Variants in TYK2 observed in about 807,000 individuals in gnomAD.
TYK2 encodes tyrosine kinase 2.
A neutral mutation model predicts 130.9 loss-of-function variants in TYK2; 65 were observed. That is an observed-to-expected ratio of 0.50 (90% CI 0.41 to 0.61). TYK2 has a LOEUF of 0.61. Among genes scored for constraint, TYK2 ranks in the 20% least tolerant of loss-of-function variants. The pLI, the probability that TYK2 is intolerant of heterozygous loss-of-function variation, is 0.00. For synonymous variants in TYK2, 647 were observed against 658.9 expected, an observed-to-expected ratio of 0.98 and a Z score of 0.28; for missense variants, 1,378 against 1,610.7, an observed-to-expected ratio of 0.86 and a Z score of 2.47.
chr19:10,350,840 C>A lies in TYK2; in HGVS notation c.3558G>T (p.Val1186=). 6.2e-7 allele frequency: 1 copy of A among 1,613,432 alleles called. No homozygotes were observed. Among genetic ancestry groups the A allele is most frequent in the Non-Finnish European group, 8.5e-7 (1 of 1,180,010 alleles). The change falls in exon 25 of 25, where the codon GTG becomes GTT. Residue 1186 remains valine, a synonymous_variant. Coordinates refer to ENST00000525621, the MANE Select transcript of TYK2 (RefSeq NM_003331.5). ...GCAGGGCTGCCATTGTGCCTCAGCA[C>A]ACGCTGAACACTGAAGGGGCCTGGC... ...YQGQAPSVFS[V]C is the part of the protein sequence containing the mutation.
intron 23 of TYK2, among the ~76,000 whole-genome samples, chr19:10,352,056 CTT>C (rs890051553): frequency 1.0e-4 from 15 of 143,642 alleles, no homozygotes. Context: ...TCTTTCCTTT[CTT>C]TTCTTTCTCT....
At chr19:10,376,195 T>C (rs2042116233) in intron 3 of TYK2, among the ~76,000 whole-genome samples, 1 of 142,982 alleles carries the variant, frequency 7.0e-6, no homozygotes, top group Non-Finnish European at 1.5e-5. Context: ...GTATTTTTAG[T>C]AGAGATGCGG....
Position 10,366,446 on chromosome 19 carries a change from G to A in TYK2, c.600C>T (p.Ile200=). The part of the protein sequence containing the change: ...HLCHLALRHG[I]PLEEVAKKTS... ...TCTTCTTGGCCACCTCCTCCAGGGG[G>A]ATGCCATGGCGGAGAGCGAGGTGAC... The change falls in exon 6 of 25, where the codon ATC becomes ATT. Residue 200 remains isoleucine (I), a synonymous_variant. Coordinates refer to ENST00000525621, the MANE Select transcript of TYK2 (RefSeq NM_003331.5). The A allele has an allele frequency of 6.2e-7, 1 of 1,614,084 alleles. No homozygotes were observed. Among genetic ancestry groups the A allele is most frequent in the South Asian group, 1.1e-5 (1 of 91,076 alleles).
chr19:10,354,293 C>A (rs1309673131), intron 19 of TYK2, 59 bp from the exon 20 acceptor site: 14 of 1,582,152 alleles, frequency 8.8e-6, no homozygotes, highest in Non-Finnish European at 1.2e-5. Context: ...CACTCCCCAA[C>A]CCCCGATTTC....
intron 3 of TYK2, 31 bp from the exon 4 acceptor site, chr19:10,368,449 C>T: frequency 6.2e-7 from 1 of 1,613,738 alleles, no homozygotes; most frequent in Non-Finnish European, 8.5e-7. Flanking sequence ...GGTCAGGAGT[C>T]ACGTCATTTG....
chr19:10,379,508 T>TC (rs1482924262), intron 2 of TYK2, 107 bp downstream of exon 2: 23 of 142,910 alleles, frequency 1.6e-4, no homozygotes, highest in African/African-American at 5.8e-4. Context: ...TAAAATACAA[T>TC]AAATAAATAA....
In TYK2 at chr19:10,377,386, AGGTG is replaced by A. The variant is rs762043167; in HGVS notation, c.193+824_193+827del. Among the ~76,000 whole-genome samples, 272 of 74,648 alleles carry A rather than the reference AGGTG, an allele frequency of 3.6e-3. 2 individuals are homozygous for A. Among genetic ancestry groups the A allele is most frequent in the African/African-American group, 0.012 (256 of 22,016 alleles). 49.0% of individuals were successfully genotyped at this position (74,648 alleles called of 152,430 possible). A position where few individuals can be genotyped will look rare whatever the true frequency, so the allele number is the denominator to read the frequency against. ...TGGATGGATGGATAGATGGATGAATAGGTGGGTGGGTGGGTGGATGGATGGATGG... is the reference window on the plus strand; with the variant it reads ...TGGATGGATGGATAGATGGATGAATAGGTGGGTGGGTGGATGGATGGATGG... On this transcript the variant is annotated intron_variant, in intron 3 of 24. Transcript: ENST00000525621.
intron 2 of TYK2, among the ~76,000 whole-genome samples, 174 bp downstream of exon 2, chr19:10,379,441 T>C (rs1316390560): frequency 3.3e-5 from 5 of 150,540 alleles, no homozygotes; most frequent in Admixed American, 6.6e-5. Context: ...GGCGGACAGA[T>C]CACGAGGTCT....
At chr19:10,378,667 C>T (rs2042256394) in intron 2 of TYK2, among the ~76,000 whole-genome samples, 1 of 152,118 alleles carries the variant, frequency 6.6e-6, no homozygotes, top group African/African-American at 2.4e-5. Context: ...CCTCTCTTTC[C>T]ACAAATTGAC....
At position 10,362,290 on chromosome 19, in the gene TYK2, C is replaced by A. The variant is rs746253617; in HGVS notation, c.1643G>T (p.Arg548Leu). The A allele has an allele frequency of 6.2e-7, 1 of 1,614,038 alleles. No individual in the cohort carries two copies. Among genetic ancestry groups the A allele is most frequent in the Non-Finnish European group, 8.5e-7 (1 of 1,180,026 alleles). ...TCCTGGTTGGGGCAGGCAACAGCGA[C>A]GCAGAGAGAAGCAGTCATCCCCGGC... is the stretch of plus-strand genomic sequence containing the variant. ...LRAGDDCFSL[R>L]RCCLPQPGET... The change falls in exon 11 of 25, where the codon CGT becomes CTT. Residue 548 changes from arginine to leucine, a missense_variant. Coordinates refer to ENST00000525621, the MANE Select transcript of TYK2 (RefSeq NM_003331.5).
At chr19:10,378,108 G>A in intron 3 of TYK2, 106 bp downstream of exon 3, 13 of 1,135,672 alleles carry the variant, frequency 1.1e-5, no homozygotes, top group Non-Finnish European at 1.6e-5. Context: ...ATGAGTGGGT[G>A]GATGGGTGGG....
chr19:10,378,118 GTGGA>G, intron 3 of TYK2, 92 bp downstream of exon 3: 1 of 1,235,614 alleles, frequency 8.1e-7, no homozygotes, highest in Non-Finnish European at 1.1e-6. Flanking sequence ...GGATGGGTGG[GTGGA>G]TGGGTGGGTG....
chr19:10,375,068 T>C (rs2042064377), intron 3 of TYK2, among the ~76,000 whole-genome samples: 1 of 151,464 alleles, frequency 6.6e-6, no homozygotes, highest in South Asian at 2.1e-4. Context: ...TTTGGGAGAC[T>C]GAGGCAGGAA....
intron 14 of TYK2, among the ~76,000 whole-genome samples, chr19:10,360,748 T>C (rs2041360570): frequency 6.6e-6 from 1 of 151,810 alleles, no homozygotes; most frequent in African/African-American, 2.4e-5. Flanking sequence ...GGCTTTATTT[T>C]TTATTTATTT....
intron 17 of TYK2, chr19:10,357,355 T>C: frequency 4.8e-6 from 3 of 622,792 alleles, no homozygotes; most frequent in Non-Finnish European, 8.7e-6. Flanking sequence ...CGCCATTGCA[T>C]TCCAGCCTGG....
In TYK2 at chr19:10,365,655, G is replaced by A; in HGVS notation, c.873C>T (p.Cys291=). 1 of 1,613,614 alleles carries A rather than the reference G, an allele frequency of 6.2e-7. No individual in the cohort carries two copies. Among genetic ancestry groups the A allele is most frequent in the Non-Finnish European group, 8.5e-7 (1 of 1,179,830 alleles). The change falls in exon 7 of 25, where the codon TGC becomes TGT. Residue 291 remains cysteine (C), a synonymous_variant. Coordinates refer to ENST00000525621, the MANE Select transcript of TYK2 (RefSeq NM_003331.5). ...RLLAQAEGEP[C]YIRDSGVAPT... ...GGGCCACCCCACTGTCCCGGATGTA[G>A]CAGGGCTCCCCCTCGGCCTGGGCCA...
intron 3 of TYK2, 187 bp from the exon 4 acceptor site, chr19:10,368,605 G>A: frequency 1.3e-6 from 1 of 749,802 alleles, no homozygotes. Context: ...CCTCACAGGA[G>A]GACTACATTT....
At chr19:10,372,480 ATATATTTTTTTT>A (rs1266051773) in intron 3 of TYK2, among the ~76,000 whole-genome samples, 1 of 64,052 alleles carries the variant, frequency 1.6e-5, no homozygotes, top group African/African-American at 9.7e-5. Context: ...ATATATATAT[ATATATTTTTTTT>A]TTTTTTTTTT....
At position 10,354,505 on chromosome 19, in the gene TYK2, C is replaced by T. The variant is rs779879325; in HGVS notation, c.2715+7G>A. ...GGGCCTTTTAGCAGCTCAGGCCCGTCCCTCACCTCGCCCAGATCTCGGATC... is the reference window on the plus strand; with the variant it reads ...GGGCCTTTTAGCAGCTCAGGCCCGTTCCTCACCTCGCCCAGATCTCGGATC... On this transcript the variant is annotated splice_region_variant and intron_variant, in intron 19 of 24. Coordinates refer to ENST00000525621, the MANE Select transcript of TYK2 (RefSeq NM_003331.5). 1.2e-6 allele frequency: 2 copies of T among 1,613,868 alleles called. No homozygotes were observed. Among genetic ancestry groups the T allele is most frequent in the East Asian group, 2.2e-5 (1 of 44,888 alleles).
Sources: allele counts gnomAD v4.1 joint callset (sites outside exome capture counted in the v4.1 genomes callset), GRCh38; gene constraint gnomAD v4.1.1; transcripts MANE v1.5; gene names NCBI Gene and HGNC (gene_info 2026-07-23, HGNC 2026-07-21).